TLK1: variants seen among roughly 807,000 people sequenced by gnomAD.
TLK1 encodes tousled like kinase 1, also known as serine/threonine-protein kinase tousled-like 1.
In TLK1, 24 loss-of-function variants were observed where a neutral mutation model predicts 105.3. That is an observed-to-expected ratio of 0.23 (90% CI 0.17 to 0.32). The LOEUF (loss-of-function observed/expected upper bound fraction) is 0.32. Ranked by LOEUF, TLK1 falls within the 10% of genes least tolerant of loss-of-function variation. The pLI is 1.00. For missense variants in TLK1, 558 were observed against 910.5 expected (o/e 0.61, Z 4.98); for synonymous variants, 321 against 310.4 (o/e 1.03, Z -0.36).
intron 1 of TLK1, among the ~76,000 whole-genome samples, chr2:171,167,804 C>A (rs533424367): frequency 1.3e-5 from 2 of 152,076 alleles, no homozygotes; most frequent in Non-Finnish European, 2.9e-5. Flanking sequence ...ATCCCCTCCC[C>A]CAAAGTGCAC....
chr2:171,118,041 T>C (rs1312046249), intron 1 of TLK1, among the ~76,000 whole-genome samples, 184 bp from the exon 2 acceptor site: 1 of 152,204 alleles, frequency 6.6e-6, no homozygotes, highest in African/African-American at 2.4e-5. Context: ...CATCCTACAA[T>C]GGATTTCCAA....
In TLK1 at chr2:171,061,400, T is replaced by C. The variant is rs112238065; in HGVS notation, c.331-244A>G. On this transcript the variant is annotated intron_variant, in intron 3 of 20. Transcript: ENST00000431350. ...TGATATTCAGTTACAGAATTTGACA[T>C]GAAGTGGATGAAAAATCCTAGAATA... Among the ~76,000 whole-genome samples the C allele has an allele frequency of 3.8e-3, 573 of 152,314 alleles. 6 individuals are homozygous for C. The highest frequency in any genetic ancestry group is 0.013 in the African/African-American group (529 of 41,560).
chr2:171,014,563 A>G (rs994636996), intron 13 of TLK1, among the ~76,000 whole-genome samples: 1 of 152,152 alleles, frequency 6.6e-6, no homozygotes, highest in African/African-American at 2.4e-5. Context: ...TTGGAGTGAG[A>G]TAAGTAATTA....
At chr2:171,012,450 T>G (rs564447028) in intron 13 of TLK1, among the ~76,000 whole-genome samples, 1 of 152,282 alleles carries the variant, frequency 6.6e-6, no homozygotes, top group South Asian at 2.1e-4. Flanking sequence ...AAAAGTCAGC[T>G]TTGCAATACT....
chr2:171,051,405 G>A (rs1033172935), intron 8 of TLK1, among the ~76,000 whole-genome samples: 4 of 152,068 alleles, frequency 2.6e-5, no homozygotes, highest in Admixed American at 6.6e-5. Flanking sequence ...GATGCAAGCA[G>A]AAGTTGTTCA....
chr2:171,228,030 G>T (rs767782051), intron 1 of TLK1, among the ~76,000 whole-genome samples: 3 of 152,072 alleles, frequency 2.0e-5, no homozygotes, highest in Non-Finnish European at 2.9e-5. Flanking sequence ...ACAAAAATTA[G>T]CCAGGTGTGG....
At chr2:171,057,914 T>C (rs1364730010) in intron 5 of TLK1, among the ~76,000 whole-genome samples, 1 of 152,098 alleles carries the variant, frequency 6.6e-6, no homozygotes, top group Admixed American at 6.5e-5. Flanking sequence ...ATATGTATTT[T>C]GCCTATCTTA....
chr2:171,043,303 C>A (rs7584937), intron 11 of TLK1, among the ~76,000 whole-genome samples: 139,791 of 152,202 alleles, frequency 0.92, 65,263 homozygotes, highest in East Asian at 1. Context: ...TGGGACTTAA[C>A]AGATTAACAG....
chr2:171,216,426 A>T (rs1350476492), intron 1 of TLK1, among the ~76,000 whole-genome samples: 1 of 152,200 alleles, frequency 6.6e-6, no homozygotes, highest in African/African-American at 2.4e-5. Flanking sequence ...CAGTGAGCCG[A>T]GATCATGCCA....
At chr2:171,168,434 T>C (rs1223174826) in intron 1 of TLK1, among the ~76,000 whole-genome samples, 1 of 152,240 alleles carries the variant, frequency 6.6e-6, no homozygotes, top group East Asian at 1.9e-4. Context: ...GCGGGGATTC[T>C]GAGCTGCAAG....
intron 1 of TLK1, among the ~76,000 whole-genome samples, chr2:171,223,616 A>T (rs113486704): frequency 0.014 from 2,097 of 150,636 alleles, 22 homozygotes; most frequent in Middle Eastern, 0.028. Flanking sequence ...AGTAGCTGGG[A>T]TTATAGGTGC....
intron 11 of TLK1, chr2:171,045,390 C>A (rs534682422): frequency 8.0e-6 from 1 of 125,786 alleles, no homozygotes; most frequent in Non-Finnish European, 1.7e-5. Flanking sequence ...ACACCATGCC[C>A]GGCTAATTTT....
In TLK1 at chr2:171,050,100, C is replaced by T. The variant is rs759766033; in HGVS notation, c.807G>A (p.Lys269=). 2 of 1,600,696 alleles carry T rather than the reference C, an allele frequency of 1.2e-6. No individual in the cohort carries two copies. The highest frequency in any genetic ancestry group is 8.5e-7 in the Non-Finnish European group (1 of 1,171,626). The change falls in exon 9 of 21, where the codon AAG becomes AAA. Residue 269 remains lysine (K), a synonymous_variant. Coordinates refer to ENST00000431350, the MANE Select transcript of TLK1 (RefSeq NM_012290.5). The part of the protein sequence containing the change: ...LLEKYKERLN[K]CISMSKKLLI... The stretch of plus-strand genomic sequence containing the variant: ...GAAGTTTCTTGCTCATTGATATGCA[C>T]TTATTTAATCGTTCTTTGTATTTTT...
In TLK1 at chr2:171,160,203, CG is replaced by C; in HGVS notation, c.139+86del. On this transcript the variant is annotated intron_variant, in intron 1 of 20. Transcript: ENST00000431350. The surrounding 1 kb of genome is among the most constrained non-coding windows in gnomAD (Gnocchi z 4.4). ...ACCCCAGGGTCTGGCGGAGAAGCCC[CG>C]GGGCGGGGGGGGCGGGGGGGGGGCG... 1 of 1,187,324 alleles carries C rather than the reference CG, an allele frequency of 8.4e-7. No homozygotes were observed. Among genetic ancestry groups the C allele is most frequent in the African/African-American group, 2.5e-5 (1 of 40,696 alleles). 73.5% of individuals were successfully genotyped at this position (1,187,324 alleles called of 1,614,324 possible). A position where few individuals can be genotyped will look rare whatever the true frequency, so the allele number is the denominator to read the frequency against.
intron 19 of TLK1, among the ~76,000 whole-genome samples, 156 bp downstream of exon 19, chr2:170,997,556 T>G (rs1684124607): frequency 6.6e-6 from 1 of 152,228 alleles, no homozygotes; most frequent in African/African-American, 2.4e-5. Flanking sequence ...AAAATAATTC[T>G]GATCCATGGA....
chr2:171,124,019 G>A (rs191467740), intron 1 of TLK1, among the ~76,000 whole-genome samples: 1 of 152,192 alleles, frequency 6.6e-6, no homozygotes, highest in Non-Finnish European at 1.5e-5. Flanking sequence ...TCACAGTGCA[G>A]ATTAATTACT....
chr2:171,040,765 T>C (rs527600282), intron 11 of TLK1, among the ~76,000 whole-genome samples: 1 of 151,920 alleles, frequency 6.6e-6, no homozygotes, highest in Non-Finnish European at 1.5e-5. Context: ...TTGGTAAACA[T>C]GGGGTCCTGC....
intron 1 of TLK1, among the ~76,000 whole-genome samples, chr2:171,209,955 C>T (rs1693582083): frequency 6.6e-6 from 1 of 152,192 alleles, no homozygotes; most frequent in Non-Finnish European, 1.5e-5. Context: ...TACTGATACA[C>T]ATTCTCAAAA....
At chr2:171,022,035 G>A (rs1394070270) in intron 12 of TLK1, among the ~76,000 whole-genome samples, 6 of 151,524 alleles carry the variant, frequency 4.0e-5, no homozygotes, top group African/African-American at 4.9e-5. Context: ...CCTGGGAAGC[G>A]GAGGCTGCAG....
Sources: allele counts gnomAD v4.1 joint callset (sites outside exome capture counted in the v4.1 genomes callset), GRCh38; gene constraint gnomAD v4.1.1; non-coding constraint Gnocchi (gnomAD v3.1); transcripts MANE v1.5; gene names NCBI Gene and HGNC (gene_info 2026-07-23, HGNC 2026-07-21).